Variants in KCNK2 observed in about 807,000 individuals in gnomAD.
The protein encoded by KCNK2 is potassium two pore domain channel subfamily K member 2, also known as potassium channel subfamily K member 2.
In KCNK2, 21 loss-of-function variants were observed where a neutral mutation model predicts 40.5. That is an observed-to-expected ratio of 0.52 (90% CI 0.37 to 0.75). KCNK2 has a LOEUF of 0.75. KCNK2 is among the 30% of genes least tolerant of loss of function. The pLI, the probability that KCNK2 is intolerant of heterozygous loss-of-function variation, is 0.00. For synonymous variants in KCNK2, 191 were observed against 202.2 expected (o/e 0.94, Z 0.47); for missense variants, 399 against 531.6 (o/e 0.75, Z 2.45).
chr1:215,230,574 A>ATC (rs1666614906), intron 6 of KCNK2, among the ~76,000 whole-genome samples: 1 of 83,092 alleles, frequency 1.2e-5, no homozygotes. Flanking sequence ...ATATATATAT[A>ATC]TACAAGACCG....
At chr1:215,085,302 C>T (rs1021736720) in intron 1 of KCNK2, among the ~76,000 whole-genome samples, 4 of 152,036 alleles carry the variant, frequency 2.6e-5, no homozygotes, top group African/African-American at 4.8e-5. Context: ...TCTTATTTTT[C>T]GGCCATTCTA....
intron 3 of KCNK2, among the ~76,000 whole-genome samples, chr1:215,168,751 T>C (rs147560104): frequency 6.6e-6 from 1 of 151,570 alleles, no homozygotes; most frequent in Non-Finnish European, 1.5e-5. Flanking sequence ...AGCTAATGTA[T>C]GCAGGGCTTA....
intron 1 of KCNK2, among the ~76,000 whole-genome samples, chr1:215,006,850 C>A (rs1656143543): frequency 1.3e-5 from 2 of 151,074 alleles, no homozygotes; most frequent in South Asian, 4.2e-4. Context: ...ATAATAATGG[C>A]ATTACATTGT....
intron 2 of KCNK2, among the ~76,000 whole-genome samples, chr1:215,095,401 A>G (rs950995982): frequency 6.6e-6 from 1 of 152,168 alleles, no homozygotes; most frequent in Non-Finnish European, 1.5e-5. Flanking sequence ...GCATCTTCCT[A>G]GAGATACTTT....
At chr1:215,196,215 C>G (rs915127705) in intron 6 of KCNK2, among the ~76,000 whole-genome samples, 4 of 151,968 alleles carry the variant, frequency 2.6e-5, no homozygotes, top group Non-Finnish European at 4.4e-5. Flanking sequence ...TCCCGAGTAT[C>G]TGGGACTACA....
chr1:215,073,131 C>T (rs1240479203), intron 1 of KCNK2, among the ~76,000 whole-genome samples: 2 of 152,084 alleles, frequency 1.3e-5, no homozygotes, highest in Non-Finnish European at 2.9e-5. Context: ...GCTGCGTCTA[C>T]AAGCCAAGGA....
intron 2 of KCNK2, among the ~76,000 whole-genome samples, chr1:215,123,712 A>T (rs10127521): frequency 0.77 from 116,785 of 152,072 alleles, 45,159 homozygotes; most frequent in Non-Finnish European, 0.79. Context: ...CCTTATCAAA[A>T]GATGTTTCTT....
At position 215,059,433 on chromosome 1, in the gene KCNK2, G is replaced by T. The variant is rs200063266; in HGVS notation, c.35-26935G>T. On this transcript the variant is annotated intron_variant, in intron 1 of 6. Coordinates refer to the KCNK2 transcript ENST00000391895. ...GCCTTCCGAGTGCTCCCTTAATTTG[G>T]TAAGTTAGTAATGAGTAAAATTTGC... Among the ~76,000 whole-genome samples, 20 of 151,964 alleles carry T rather than the reference G, an allele frequency of 1.3e-4. No homozygotes were observed. In the South Asian group the frequency reaches 3.7e-3, roughly 28 times the overall value.
At chr1:215,148,079 C>CCTTT (rs141808517) in intron 3 of KCNK2, among the ~76,000 whole-genome samples, 9,481 of 76,334 alleles carry the variant, frequency 0.12, 1,119 homozygotes, top group African/African-American at 0.21. Flanking sequence ...ATTTTCTTTT[C>CCTTT]CTTTTTTTTT....
At chr1:215,165,033 C>A (rs1042118784) in intron 3 of KCNK2, among the ~76,000 whole-genome samples, 1 of 152,168 alleles carries the variant, frequency 6.6e-6, no homozygotes, top group African/African-American at 2.4e-5. Flanking sequence ...TGATTCATTA[C>A]AACTTTGTAT....
chr1:215,091,907 A>T (rs1659708284), intron 2 of KCNK2, among the ~76,000 whole-genome samples: 1 of 152,090 alleles, frequency 6.6e-6, no homozygotes, highest in African/African-American at 2.4e-5. Flanking sequence ...GGATGCTGGG[A>T]TGGAGAGGTA....
At chr1:215,212,523 G>A (rs898463068) in intron 6 of KCNK2, among the ~76,000 whole-genome samples, 1 of 152,266 alleles carries the variant, frequency 6.6e-6, no homozygotes, top group Non-Finnish European at 1.5e-5. Flanking sequence ...AATAAGCATA[G>A]TAATAGTATT....
At chr1:215,045,923 C>T (rs1489712609) in intron 1 of KCNK2, among the ~76,000 whole-genome samples, 1 of 146,254 alleles carries the variant, frequency 6.8e-6, no homozygotes, top group Non-Finnish European at 1.5e-5. Context: ...TTGAAGAATT[C>T]ACCACTAGCA....
chr1:215,028,086 GT>G (rs1657057900), intron 1 of KCNK2, among the ~76,000 whole-genome samples: 1 of 151,126 alleles, frequency 6.6e-6, no homozygotes, highest in Non-Finnish European at 1.5e-5. Flanking sequence ...CTAATTTAAT[GT>G]TCTTTAAAAA....
chr1:215,119,974 G>A (rs1430076389), intron 2 of KCNK2, among the ~76,000 whole-genome samples: 7 of 152,100 alleles, frequency 4.6e-5, no homozygotes, highest in Non-Finnish European at 8.8e-5. Flanking sequence ...TGTTGACCAA[G>A]ACACCTCATA....
At chr1:215,045,209 C>A (rs74514793) in intron 1 of KCNK2, among the ~76,000 whole-genome samples, 13 of 146,842 alleles carry the variant, frequency 8.9e-5, no homozygotes, top group South Asian at 2.1e-4. Flanking sequence ...AAACAAAAAC[C>A]AAAAAAAAAA....
Position 215,172,188 on chromosome 1 carries a change from G to A in KCNK2, c.823+5G>A. 1 of 1,608,264 alleles carries A rather than the reference G, an allele frequency of 6.2e-7. No individual in the cohort carries two copies. Among genetic ancestry groups the A allele is most frequent in the Non-Finnish European group, 8.5e-7 (1 of 1,176,860 alleles). ...GATTTGGTGACTACGTTGCAGGTAA[G>A]CTTTTCCTGGCATCCATGTTACTCT... On this transcript the variant is annotated splice_donor_5th_base_variant and intron_variant, in intron 5 of 6. Transcript: ENST00000444842.
chr1:215,040,941 C>T (rs1657541329), intron 1 of KCNK2, among the ~76,000 whole-genome samples: 1 of 152,078 alleles, frequency 6.6e-6, no homozygotes, highest in East Asian at 1.9e-4. Flanking sequence ...TTGAACTAGC[C>T]AAGCAAAGAA....
chr1:215,074,067 A>G (rs941072801), intron 1 of KCNK2, among the ~76,000 whole-genome samples: 1 of 152,166 alleles, frequency 6.6e-6, no homozygotes, highest in Non-Finnish European at 1.5e-5. Flanking sequence ...GAGGTGACTG[A>G]GGTAATGGTG....
Sources: gnomAD v4.1 joint callset for allele counts (sites outside exome capture counted in the v4.1 genomes callset) on GRCh38, gnomAD v4.1.1 for gene constraint, MANE v1.5 for transcripts, NCBI Gene and HGNC (gene_info 2026-07-23, HGNC 2026-07-21) for gene names.